Variants in TCF12 observed in about 807,000 individuals in gnomAD.
TCF12 encodes DNA-binding protein HTF4.
In TCF12, 45 loss-of-function variants were observed where a neutral mutation model predicts 86.0. The observed-to-expected ratio is 0.52, with a 90% CI of 0.41 to 0.67. The LOEUF (loss-of-function observed/expected upper bound fraction) is 0.67, where lower values mean the gene tolerates loss of function less well. Ranked by LOEUF, TCF12 falls within the 30% of genes least tolerant of loss-of-function variation. The pLI, the probability that TCF12 is intolerant of heterozygous loss-of-function variation, is 0.00. For missense variants in TCF12, 881 were observed against 859.9 expected (o/e 1.02, Z -0.31); for synonymous variants, 330 against 299.6 (o/e 1.10, Z -1.05).
intron 3 of TCF12, among the ~76,000 whole-genome samples, chr15:56,995,230 G>GTTTT (rs1440501811): frequency 7.3e-5 from 1 of 13,730 alleles, no homozygotes; most frequent in Non-Finnish European, 1.9e-4. Context: ...GATACCTGCA[G>GTTTT]CTTTTTTTTT....
intron 5 of TCF12, among the ~76,000 whole-genome samples, chr15:57,109,828 T>A (rs2050372508): frequency 6.6e-6 from 1 of 152,208 alleles, no homozygotes; most frequent in African/African-American, 2.4e-5. Context: ...CACAGTTGTA[T>A]TAAGTCAGCC....
intron 3 of TCF12, among the ~76,000 whole-genome samples, chr15:56,974,359 TTG>T (rs2062493836): frequency 6.6e-6 from 1 of 152,104 alleles, no homozygotes; most frequent in Admixed American, 6.5e-5. Flanking sequence ...GATAAAGTAA[TTG>T]TGGTAAAATG....
chr15:56,926,137 C>T (rs2060002807), intron 3 of TCF12, among the ~76,000 whole-genome samples: 1 of 151,996 alleles, frequency 6.6e-6, no homozygotes, highest in African/African-American at 2.4e-5. Context: ...CGTAGCAAAA[C>T]CCTGTCTCTA....
intron 6 of TCF12, among the ~76,000 whole-genome samples, chr15:57,182,644 C>CT (rs1418753392): frequency 6.6e-6 from 1 of 152,060 alleles, no homozygotes; most frequent in Non-Finnish European, 1.5e-5. Context: ...ACCTGTGCAT[C>CT]TTTTTTGGCA....
intron 3 of TCF12, among the ~76,000 whole-genome samples, chr15:57,007,810 C>CTTTCTTTCTT (rs1449521384): frequency 8.8e-5 from 11 of 124,368 alleles, no homozygotes; most frequent in African/African-American, 3.2e-4. Flanking sequence ...TTCTTTCTTT[C>CTTTCTTTCTT]TTTCTTTCTT....
intron 6 of TCF12, among the ~76,000 whole-genome samples, chr15:57,190,419 G>A (rs1423144455): frequency 3.3e-5 from 5 of 152,086 alleles, no homozygotes; most frequent in Admixed American, 3.3e-4. Flanking sequence ...GATACTTGGT[G>A]GCTGAAACAA....
chr15:57,046,062 A>G (rs548582759), intron 3 of TCF12, among the ~76,000 whole-genome samples: 1 of 152,366 alleles, frequency 6.6e-6, no homozygotes, highest in South Asian at 2.1e-4. Flanking sequence ...ACCTTTCCTT[A>G]CAGTTTCAGA....
intron 3 of TCF12, among the ~76,000 whole-genome samples, chr15:57,024,886 T>C (rs1372361675): frequency 6.6e-6 from 1 of 152,176 alleles, no homozygotes; most frequent in Non-Finnish European, 1.5e-5. Flanking sequence ...AAGGCTGAGG[T>C]TAGGAAAAGG....
At chr15:57,223,643 G>GTTTTTTGTTTTTTTTTTTTT (rs1456806093) in intron 8 of TCF12, among the ~76,000 whole-genome samples, 3 of 69,664 alleles carry the variant, frequency 4.3e-5, no homozygotes, top group Non-Finnish European at 5.6e-5. Context: ...TACCAATGAG[G>GTTTTTTGTTTTTTTTTTTTT]TTTTTTTTTT....
At chr15:57,252,540 A>G (rs2060165934) in intron 15 of TCF12, 48 bp downstream of exon 15, 1 of 1,454,040 alleles carries the variant, frequency 6.9e-7, no homozygotes, top group Non-Finnish European at 9.6e-7. Flanking sequence ...AATTAATTAT[A>G]CTTCCCACTA....
intron 3 of TCF12, among the ~76,000 whole-genome samples, chr15:56,979,660 TTA>T (rs1301788600): frequency 6.6e-6 from 1 of 152,174 alleles, no homozygotes; most frequent in African/African-American, 2.4e-5. Context: ...TGAAAAATGT[TTA>T]TAGATTTTTA....
intron 7 of TCF12, among the ~76,000 whole-genome samples, 159 bp downstream of exon 7, chr15:57,192,452 A>T (rs567444417): frequency 6.6e-6 from 1 of 151,934 alleles, no homozygotes; most frequent in African/African-American, 2.4e-5. Context: ...GCAACAGCAC[A>T]ATCTTGGCTT....
chr15:57,066,230 C>T (rs2585112), intron 4 of TCF12, among the ~76,000 whole-genome samples: 82,078 of 151,824 alleles, frequency 0.54, 22,755 homozygotes, highest in Admixed American at 0.6. Flanking sequence ...TTGACCATTT[C>T]TTTCATAATC....
intron 8 of TCF12, among the ~76,000 whole-genome samples, chr15:57,226,724 T>A (rs1189858992): frequency 6.6e-6 from 1 of 152,116 alleles, no homozygotes; most frequent in African/African-American, 2.4e-5. Flanking sequence ...TTGAAGCACA[T>A]AAGAATTCTA....
rs943193986 is a variant in TCF12, at chr15:57,020,125, T to A, written c.149-43625T>A. ...CACATTTATAAAAACCCAGTCATGT[T>A]TAATTGTACATATGACAACCTCATG... On this transcript the variant is annotated intron_variant, in intron 3 of 20. Transcript: ENST00000333725. Among the ~76,000 whole-genome samples, 20 of 152,350 alleles carry A rather than the reference T, an allele frequency of 1.3e-4. No individual in the cohort carries two copies. In the Middle Eastern group the frequency reaches 0.01, roughly 78 times the overall value.
chr15:56,920,433 G>T (rs2059732968), intron 2 of TCF12, among the ~76,000 whole-genome samples: 1 of 151,752 alleles, frequency 6.6e-6, no homozygotes, highest in Non-Finnish European at 1.5e-5. Flanking sequence ...GTAGTCCAGA[G>T]CTAGAATTTC....
At chr15:57,281,424 G>C (rs17820131) in intron 19 of TCF12, among the ~76,000 whole-genome samples, 25 of 152,200 alleles carry the variant, frequency 1.6e-4, no homozygotes, top group Admixed American at 4.6e-4. Context: ...CTTCTCCCTC[G>C]AATTGGCACA....
At chr15:56,957,451 A>G (rs2061548358) in intron 3 of TCF12, among the ~76,000 whole-genome samples, 1 of 152,106 alleles carries the variant, frequency 6.6e-6, no homozygotes, top group Admixed American at 6.6e-5. Context: ...TTTCTTTTCC[A>G]TGCCTTCAAA....
intron 3 of TCF12, among the ~76,000 whole-genome samples, chr15:57,004,552 G>A (rs118160994): frequency 0.011 from 1,748 of 152,262 alleles, 17 homozygotes; most frequent in Non-Finnish European, 0.019. Context: ...GGGACAACAG[G>A]TGTGTTCCAC....
Sources: gnomAD v4.1 joint callset for allele counts (sites outside exome capture counted in the v4.1 genomes callset) on GRCh38, gnomAD v4.1.1 for gene constraint, MANE v1.5 for transcripts, NCBI Gene and HGNC (gene_info 2026-07-23, HGNC 2026-07-21) for gene names.